INPP5A: variants seen among roughly 807,000 people sequenced by gnomAD.
INPP5A encodes the protein 43 kDa inositol polyphosphate 5-phophatase.
A neutral mutation model predicts 65.2 loss-of-function variants in INPP5A; 14 were observed. The observed-to-expected ratio is 0.21, with a 90% confidence interval of 0.14 to 0.34. The LOEUF (loss-of-function observed/expected upper bound fraction) is 0.34, where lower values mean the gene tolerates loss of function less well. Ranked by LOEUF, INPP5A falls within the 10% of genes least tolerant of loss-of-function variation. The pLI is 1.00. For synonymous variants in INPP5A, 207 were observed against 208.3 expected (o/e 0.99, Z 0.05); for missense variants, 431 against 545.6 (o/e 0.79, Z 2.09).
intron 4 of INPP5A, among the ~76,000 whole-genome samples, chr10:132,671,397 T>TGGACTCCGCCCTCCCTGCTCC (rs2072890328): frequency 3.9e-5 from 3 of 76,876 alleles, no homozygotes; most frequent in Non-Finnish European, 2.9e-5. Flanking sequence ...CTCCCTGCTC[T>TGGACTCCGCCCTCCCTGCTCC]GGACTCCGCC....
intron 4 of INPP5A, among the ~76,000 whole-genome samples, chr10:132,685,337 C>T (rs1005918723): frequency 5.9e-5 from 9 of 152,264 alleles, no homozygotes; most frequent in Admixed American, 2.0e-4. Context: ...GCCCGCGACG[C>T]GGTTGGAACC....
chr10:132,561,513 A>G (rs1306812520), intron 1 of INPP5A, among the ~76,000 whole-genome samples: 2 of 151,924 alleles, frequency 1.3e-5, no homozygotes, highest in Admixed American at 6.6e-5. Context: ...CCATGAATAT[A>G]TAGATTTATT....
intron 4 of INPP5A, among the ~76,000 whole-genome samples, chr10:132,661,584 A>G (rs568509463): frequency 2.6e-5 from 4 of 152,208 alleles, no homozygotes; most frequent in East Asian, 3.8e-4. Context: ...AGAAGACTCA[A>G]TCTTGTTAAG....
At position 132,628,471 on chromosome 10, in the gene INPP5A, G is replaced by T. The variant is rs867038939; in HGVS notation, c.118-17397G>T. ...CAGATGTGCTCTGGTGGCGGGGGGG[G>T]GGGGGGGCGTGGCGTGGGGGACACG... On this transcript the variant is annotated intron_variant, in intron 2 of 15. Transcript: ENST00000368594. 9.3e-5 allele frequency among the ~76,000 whole-genome samples: 14 copies of T among 150,922 alleles called. 1 individual carries two copies. In the East Asian group the frequency reaches 9.7e-4, roughly 10 times the overall value.
At chr10:132,606,081 G>A (rs532959183) in intron 1 of INPP5A, among the ~76,000 whole-genome samples, 5 of 152,178 alleles carry the variant, frequency 3.3e-5, no homozygotes, top group East Asian at 1.9e-4. Context: ...CCAGGTGTCC[G>A]CTGTCACATT....
chr10:132,688,604 TGCAAGTGTGTGAGTGTGA>T (rs1845184632), intron 4 of INPP5A, among the ~76,000 whole-genome samples: 1 of 152,172 alleles, frequency 6.6e-6, no homozygotes, highest in African/African-American at 2.4e-5. Flanking sequence ...AGTGCGTGTG[TGCAAGTGTGTGAGTGTGA>T]GCAAGTGCGT....
intron 9 of INPP5A, among the ~76,000 whole-genome samples, chr10:132,738,816 C>T (rs1846224042): frequency 6.6e-6 from 1 of 152,204 alleles, no homozygotes; most frequent in Non-Finnish European, 1.5e-5. Context: ...CCAACATCTC[C>T]CCATGACAGT....
intron 1 of INPP5A, among the ~76,000 whole-genome samples, chr10:132,556,129 G>A (rs1437814779): frequency 6.6e-6 from 1 of 152,146 alleles, no homozygotes; most frequent in Non-Finnish European, 1.5e-5. Context: ...CCCAGCCCCC[G>A]TGCTGAAGTT....
intron 1 of INPP5A, among the ~76,000 whole-genome samples, chr10:132,565,012 C>G (rs1312232106): frequency 1.3e-5 from 2 of 152,182 alleles, no homozygotes; most frequent in African/African-American, 2.4e-5. Flanking sequence ...CGCTGCTTTA[C>G]GACGTTTGTG....
chr10:132,673,190 G>A (rs575176603), intron 4 of INPP5A, among the ~76,000 whole-genome samples: 2 of 152,296 alleles, frequency 1.3e-5, no homozygotes, highest in African/African-American at 2.4e-5. Context: ...GAGTATCCAG[G>A]TGACAATCTT....
In INPP5A at chr10:132,644,584, A is replaced by G. The variant is rs947617846; in HGVS notation, c.118-1284A>G. Among the ~76,000 whole-genome samples, 1 of 152,130 alleles carries G rather than the reference A, an allele frequency of 6.6e-6. No homozygotes were observed. The highest frequency in any genetic ancestry group is 1.5e-5 in the Non-Finnish European group (1 of 68,012). ...TCACAGTGAGTGCCGTGTCGTCGTG[A>G]GCACCTCCAGGCTCCCAAGCCCAGC... On this transcript the variant is annotated intron_variant, in intron 2 of 15. Transcript: ENST00000368594. The surrounding 1 kb of genome is among the most constrained non-coding windows in gnomAD (Gnocchi z 6.5).
chr10:132,713,814 C>T (rs575537016), intron 8 of INPP5A, among the ~76,000 whole-genome samples: 1 of 152,150 alleles, frequency 6.6e-6, no homozygotes, highest in Non-Finnish European at 1.5e-5. Flanking sequence ...TCGGTCTGAG[C>T]CTGGGGACTG....
intron 9 of INPP5A, among the ~76,000 whole-genome samples, chr10:132,747,018 G>A (rs1283460742): frequency 6.6e-6 from 1 of 152,210 alleles, no homozygotes; most frequent in African/African-American, 2.4e-5. Flanking sequence ...TTGTCCTTTG[G>A]GAGCCTGCCT....
At chr10:132,767,714 G>A (rs1005410287) in intron 12 of INPP5A, among the ~76,000 whole-genome samples, 1 of 152,032 alleles carries the variant, frequency 6.6e-6, no homozygotes, top group Admixed American at 6.5e-5. Context: ...AAAGATCCAT[G>A]GACCCCGACC....
At chr10:132,768,121 G>T (rs1229804701) in intron 12 of INPP5A, among the ~76,000 whole-genome samples, 1 of 140,334 alleles carries the variant, frequency 7.1e-6, no homozygotes, top group African/African-American at 2.7e-5. Flanking sequence ...TTCCCAGGGT[G>T]CCCACGTGCC....
chr10:132,554,240 G>A (rs558941113), intron 1 of INPP5A, among the ~76,000 whole-genome samples: 1 of 152,178 alleles, frequency 6.6e-6, no homozygotes, highest in East Asian at 1.9e-4. Flanking sequence ...AGGGCAAAGG[G>A]GTAGTGTACT....
At chr10:132,740,223 T>G (rs1214211536) in intron 9 of INPP5A, among the ~76,000 whole-genome samples, 1 of 152,244 alleles carries the variant, frequency 6.6e-6, no homozygotes, top group Non-Finnish European at 1.5e-5. Flanking sequence ...TATCTCTGCC[T>G]GTTTGCAGTG....
Position 132,633,227 on chromosome 10 carries a change from C to T in INPP5A, c.118-12641C>T, listed in dbSNP as rs60488137. Among the ~76,000 whole-genome samples the T allele has an allele frequency of 3.0e-3, 451 of 152,280 alleles. 2 individuals carry two copies. Among genetic ancestry groups the T allele is most frequent in the African/African-American group, 0.01 (428 of 41,554 alleles). On this transcript the variant is annotated intron_variant, in intron 2 of 15. Transcript: ENST00000368594. ...CCCCTGCCTGGCTCCCTTTAGTGGG[C>T]GAGGTGCTTGAATCCTGGCTGTTGG...
At chr10:132,708,920 G>A (rs1038673380) in intron 7 of INPP5A, among the ~76,000 whole-genome samples, 21 of 152,152 alleles carry the variant, frequency 1.4e-4, no homozygotes, top group Non-Finnish European at 2.8e-4. Context: ...GCTCCCCAAC[G>A]TGTCCCTCCA....
Sources: gnomAD v4.1 joint callset for allele counts (sites outside exome capture counted in the v4.1 genomes callset) on GRCh38, gnomAD v4.1.1 for gene constraint, Gnocchi (gnomAD v3.1) non-coding constraint, MANE v1.5 for transcripts, NCBI Gene and HGNC (gene_info 2026-07-23, HGNC 2026-07-21) for gene names.